The following UMAD1 variants were observed in gnomAD, a reference collection of about 807,000 sequenced individuals.
UMAD1 encodes the protein UBAP1-MVB12-associated (UMA)-domain containing protein 1.
UMAD1 carries 8 observed loss-of-function variants against 6.1 expected under a neutral mutation model. That is an observed-to-expected ratio of 1.30 (90% CI 0.76 to 2.35). UMAD1 has a LOEUF of 2.35. Among genes scored for constraint, UMAD1 ranks in the 30% most tolerant of loss-of-function variants. The pLI, the probability that UMAD1 is intolerant of heterozygous loss-of-function variation, is 0.00. For missense variants in UMAD1, 130 were observed against 78.4 expected (o/e 1.66, Z -2.49); for synonymous variants, 56 against 31.4 (o/e 1.78, Z -2.61).
rs189301914 is a variant in UMAD1, at chr7:7,802,543, T to G, written c.156+800T>G. Among the ~76,000 whole-genome samples, 24 of 152,374 alleles carry G rather than the reference T, an allele frequency of 1.6e-4. 1 individual carries two copies. The East Asian group carries it at 4.6e-3, about 29-fold the overall frequency. On this transcript the variant is annotated intron_variant, in intron 3 of 3. Transcript: ENST00000682710. The stretch of plus-strand genomic sequence containing the variant: ...TACATGAAAATGTAGTTAGGATACT[T>G]TTGAAAACTATATAGAAATATACTA...
chr7:7,761,742 C>T (rs1285059619), intron 2 of UMAD1, among the ~76,000 whole-genome samples: 1 of 152,204 alleles, frequency 6.6e-6, no homozygotes, highest in Non-Finnish European at 1.5e-5. Flanking sequence ...CAATTGTTTG[C>T]ATTTACTTAG....
At chr7:7,650,448 C>G (rs75674445) in intron 1 of UMAD1, among the ~76,000 whole-genome samples, 1,617 of 152,208 alleles carry the variant, frequency 0.011, 29 homozygotes, top group African/African-American at 0.036. Context: ...ATATTTTACT[C>G]TTGTAATGTC....
intron 2 of UMAD1, among the ~76,000 whole-genome samples, chr7:7,694,801 G>T (rs1780268405): frequency 6.6e-6 from 1 of 152,098 alleles, no homozygotes; most frequent in Non-Finnish European, 1.5e-5. Flanking sequence ...TAGATACTTA[G>T]GTTGATTCCA....
intron 2 of UMAD1, among the ~76,000 whole-genome samples, chr7:7,720,434 TC>T (rs1199677126): frequency 6.6e-6 from 1 of 151,660 alleles, no homozygotes; most frequent in African/African-American, 2.4e-5. Flanking sequence ...TTTAATCATT[TC>T]CCCCCCTAAC....
At chr7:7,724,501 G>A (rs1236764762) in intron 2 of UMAD1, among the ~76,000 whole-genome samples, 1 of 152,160 alleles carries the variant, frequency 6.6e-6, no homozygotes, top group Admixed American at 6.5e-5. Flanking sequence ...CCTCTACCTA[G>A]AAAAATAGTA....
At chr7:7,831,345 T>C (rs1783463507) in intron 3 of UMAD1, among the ~76,000 whole-genome samples, 1 of 152,240 alleles carries the variant, frequency 6.6e-6, no homozygotes, top group African/African-American at 2.4e-5. Flanking sequence ...ATATCAATTC[T>C]CTGTACTCTT....
chr7:7,794,381 G>C (rs1382618464), intron 2 of UMAD1, among the ~76,000 whole-genome samples: 2 of 152,130 alleles, frequency 1.3e-5, no homozygotes, highest in African/African-American at 4.8e-5. Context: ...TGAAGAATGT[G>C]GCTTATAACA....
chr7:7,768,722 G>A (rs1782042139), intron 2 of UMAD1, among the ~76,000 whole-genome samples: 1 of 151,962 alleles, frequency 6.6e-6, no homozygotes. Flanking sequence ...GTAGTGCCTG[G>A]TATATATTAG....
chr7:7,841,280 A>G (rs1332229397), intron 3 of UMAD1, among the ~76,000 whole-genome samples: 1 of 151,348 alleles, frequency 6.6e-6, no homozygotes, highest in Non-Finnish European at 1.5e-5. Context: ...AATGCAAGGA[A>G]TTATAGCTAC....
intron 3 of UMAD1, among the ~76,000 whole-genome samples, chr7:7,875,132 C>T (rs528678578): frequency 6.6e-6 from 1 of 152,088 alleles, no homozygotes; most frequent in African/African-American, 2.4e-5. Context: ...CATTTATAAC[C>T]ATTAGCATTT....
chr7:7,692,690 A>G (rs894108962), intron 2 of UMAD1, among the ~76,000 whole-genome samples: 1 of 152,062 alleles, frequency 6.6e-6, no homozygotes. Flanking sequence ...GCTCACTGCA[A>G]CCTCCACCTC....
chr7:7,791,657 C>T lies in UMAD1; in HGVS notation c.83-10013C>T, dbSNP rs569955222. 2.6e-5 allele frequency among the ~76,000 whole-genome samples: 4 copies of T among 152,272 alleles called. No homozygotes were observed. The South Asian group carries it at 8.3e-4, about 32-fold the overall frequency. ...ACCCCATAGCTACAAAGTAACAAGA[C>T]TGAGAACTAAGGACATCAGTGAAGC... On this transcript the variant is annotated intron_variant, in intron 2 of 3. Coordinates refer to ENST00000682710, the MANE Select transcript of UMAD1 (RefSeq NM_001302348.2).
At chr7:7,645,974 G>GCTGC (rs1785084579) in intron 1 of UMAD1, among the ~76,000 whole-genome samples, 1 of 152,144 alleles carries the variant, frequency 6.6e-6, no homozygotes, top group Non-Finnish European at 1.5e-5. Flanking sequence ...CGTTTGCTCG[G>GCTGC]CTGCCGTGTA....
At chr7:7,867,036 G>A (rs1025581982) in intron 3 of UMAD1, among the ~76,000 whole-genome samples, 17 of 152,142 alleles carry the variant, frequency 1.1e-4, no homozygotes, top group South Asian at 8.3e-4. Flanking sequence ...GGAGGGAAAC[G>A]TCAAAGATGA....
chr7:7,770,662 A>C (rs894262636), intron 2 of UMAD1, among the ~76,000 whole-genome samples: 3 of 152,150 alleles, frequency 2.0e-5, no homozygotes, highest in African/African-American at 7.2e-5. Context: ...TTTGACATTC[A>C]GTGATTATGA....
chr7:7,768,136 T>C (rs1160243559), intron 2 of UMAD1, among the ~76,000 whole-genome samples: 1 of 152,180 alleles, frequency 6.6e-6, no homozygotes, highest in Non-Finnish European at 1.5e-5. Context: ...AATTAATTAA[T>C]ATTATGATTT....
chr7:7,791,947 G>A (rs2115264649), intron 2 of UMAD1, among the ~76,000 whole-genome samples: 1 of 152,288 alleles, frequency 6.6e-6, no homozygotes, highest in East Asian at 1.9e-4. Context: ...CTGTTCTGGT[G>A]AACTCTTAGT....
Position 7,847,099 on chromosome 7 carries a change from AAAAAAATATATATAT to A in UMAD1, c.157-30180_157-30166del, listed in dbSNP as rs1242984908. On this transcript the variant is annotated intron_variant, in intron 3 of 3. Coordinates refer to ENST00000682710, the MANE Select transcript of UMAD1 (RefSeq NM_001302348.2). ...AAAGACAGCAATGCAAAAAAAAAAA[AAAAAAATATATATAT>A]ATATATATATATATATATATATATA... is the stretch of plus-strand genomic sequence containing the variant. Among the ~76,000 whole-genome samples, 32 of 44,548 alleles carry A rather than the reference AAAAAAATATATATAT, an allele frequency of 7.2e-4. 3 individuals carry two copies. Among genetic ancestry groups the A allele is most frequent in the Non-Finnish European group, 9.2e-4 (25 of 27,184 alleles). 29.2% of individuals were successfully genotyped at this position (44,548 alleles called of 152,430 possible). A position where few individuals can be genotyped will look rare whatever the true frequency, so the allele number is the denominator to read the frequency against.
At chr7:7,732,735 T>C (rs1330873008) in intron 2 of UMAD1, among the ~76,000 whole-genome samples, 1 of 152,198 alleles carries the variant, frequency 6.6e-6, no homozygotes. Flanking sequence ...TTTAACACAG[T>C]CCCATAAAAT....
Sources: allele counts gnomAD v4.1 joint callset (sites outside exome capture counted in the v4.1 genomes callset), GRCh38; gene constraint gnomAD v4.1.1; transcripts MANE v1.5; gene names NCBI Gene and HGNC (gene_info 2026-07-23, HGNC 2026-07-21).